The following SDK1 variants were observed in gnomAD, a reference collection of about 807,000 sequenced individuals.
The protein encoded by SDK1 is protein sidekick-1.
Under a neutral mutation model 245.5 loss-of-function variants are expected in SDK1, and 157 were observed. The observed-to-expected ratio is 0.64, with a 90% confidence interval of 0.56 to 0.73. SDK1 has a LOEUF of 0.73. SDK1 is among the 30% of genes least tolerant of loss of function. The probability of loss-of-function intolerance (pLI) is 0.00; values close to 1 mark genes in which losing one functional copy is unlikely to be tolerated. For synonymous variants in SDK1, 1,647 were observed against 1,278.5 expected, an observed-to-expected ratio of 1.29 and a Z score of -6.15; for missense variants, 3,583 against 3,002.3, an observed-to-expected ratio of 1.19 and a Z score of -4.52.
intron 28 of SDK1, among the ~76,000 whole-genome samples, chr7:4,133,525 T>C (rs1665612283): frequency 1.3e-5 from 2 of 152,214 alleles, no homozygotes; most frequent in Non-Finnish European, 2.9e-5. Flanking sequence ...GGGGTCTCTG[T>C]GGGTGGAAGT....
At chr7:3,865,737 A>T (rs374626076) in intron 5 of SDK1, among the ~76,000 whole-genome samples, 1 of 149,428 alleles carries the variant, frequency 6.7e-6, no homozygotes, top group African/African-American at 2.5e-5. Context: ...CTGGTCTGAA[A>T]CTCCTGGCCT....
At chr7:3,358,761 G>C (rs567127439) in intron 1 of SDK1, among the ~76,000 whole-genome samples, 1 of 152,160 alleles carries the variant, frequency 6.6e-6, no homozygotes, top group Non-Finnish European at 1.5e-5. Flanking sequence ...ACGTACTTGC[G>C]CTACAGTAAA....
intron 1 of SDK1, among the ~76,000 whole-genome samples, chr7:3,321,764 T>TCCCTTCCTTCCTTC (rs1562412645): frequency 2.7e-5 from 2 of 75,364 alleles, no homozygotes; most frequent in African/African-American, 1.1e-4. Context: ...CCTCCCTCCC[T>TCCCTTCCTTCCTTC]TCCTTCCTTC....
chr7:4,166,920 A>G (rs902112385), intron 32 of SDK1, among the ~76,000 whole-genome samples: 2 of 152,188 alleles, frequency 1.3e-5, no homozygotes, highest in African/African-American at 4.8e-5. Flanking sequence ...GTCACCGTTC[A>G]GGCAGCTGGA....
intron 44 of SDK1, among the ~76,000 whole-genome samples, chr7:4,251,476 C>T (rs769448020): frequency 3.3e-5 from 5 of 152,186 alleles, no homozygotes; most frequent in South Asian, 2.1e-4. Context: ...TTGTCTACCA[C>T]GGCTTTACCA....
intron 1 of SDK1, among the ~76,000 whole-genome samples, chr7:3,583,751 C>A (rs888623166): frequency 6.6e-6 from 1 of 152,210 alleles, no homozygotes; most frequent in Non-Finnish European, 1.5e-5. Flanking sequence ...AGGAAGACTG[C>A]GTCCACCTGC....
chr7:3,566,140 A>G (rs1779908942), intron 1 of SDK1, among the ~76,000 whole-genome samples: 1 of 152,178 alleles, frequency 6.6e-6, no homozygotes, highest in African/African-American at 2.4e-5. Flanking sequence ...GGTAGTCGTA[A>G]AAAGGTGTCA....
At chr7:3,889,674 ATT>A (rs879583001) in intron 5 of SDK1, among the ~76,000 whole-genome samples, 1 of 151,912 alleles carries the variant, frequency 6.6e-6, no homozygotes, top group Non-Finnish European at 1.5e-5. Flanking sequence ...CGCCTGGCTA[ATT>A]TTTTTGTATT....
At chr7:4,240,787 G>C (rs1354807968) in intron 42 of SDK1, among the ~76,000 whole-genome samples, 1 of 152,170 alleles carries the variant, frequency 6.6e-6, no homozygotes, top group Non-Finnish European at 1.5e-5. Flanking sequence ...GTCGCCTCTG[G>C]TCTCAGGGCG....
At chr7:4,044,293 G>C (rs1163399118) in intron 17 of SDK1, among the ~76,000 whole-genome samples, 2 of 152,226 alleles carry the variant, frequency 1.3e-5, no homozygotes, top group African/African-American at 4.8e-5. Context: ...TCCTACCGCT[G>C]CTCAGGGCTC....
chr7:4,149,144 A>G, intron 29 of SDK1, 118 bp from the exon 30 acceptor site: 2 of 681,358 alleles, frequency 2.9e-6, no homozygotes, highest in East Asian at 3.4e-5. Context: ...TGTCCAAGGC[A>G]TGCAGGCAGC....
chr7:3,804,845 C>A (rs1484145315), intron 4 of SDK1, among the ~76,000 whole-genome samples: 1 of 152,038 alleles, frequency 6.6e-6, no homozygotes, highest in Non-Finnish European at 1.5e-5. Context: ...TTGGCTTTCA[C>A]GTGTTCATTG....
intron 1 of SDK1, among the ~76,000 whole-genome samples, chr7:3,312,859 G>A (rs4326295): frequency 7.9e-5 from 12 of 152,028 alleles, no homozygotes; most frequent in African/African-American, 1.5e-4. Flanking sequence ...ATCAATACAA[G>A]TTCTGCCTGA....
intron 1 of SDK1, among the ~76,000 whole-genome samples, chr7:3,509,521 C>T (rs921624940): frequency 2.0e-5 from 3 of 152,186 alleles, no homozygotes; most frequent in Admixed American, 1.3e-4. Flanking sequence ...TTAAATACAA[C>T]CACAATGTTT....
intron 35 of SDK1, among the ~76,000 whole-genome samples, chr7:4,194,290 GCAC>G (rs1214336890): frequency 1.0e-5 from 1 of 100,214 alleles, no homozygotes; most frequent in East Asian, 2.6e-4. Context: ...ATATATGTAT[GCAC>G]GTATGTGTAT....
At chr7:3,685,593 G>A (rs1369391772) in intron 4 of SDK1, among the ~76,000 whole-genome samples, 2 of 152,164 alleles carry the variant, frequency 1.3e-5, no homozygotes, top group Non-Finnish European at 2.9e-5. Context: ...TGTGATGGTT[G>A]ATGCAAAAAT....
At chr7:3,477,980 C>G (rs1366582520) in intron 1 of SDK1, among the ~76,000 whole-genome samples, 1 of 152,080 alleles carries the variant, frequency 6.6e-6, no homozygotes, top group African/African-American at 2.4e-5. Flanking sequence ...TTTTCCTAAA[C>G]AGTTTCCCAT....
At chr7:3,453,309 C>A (rs1455391291) in intron 1 of SDK1, among the ~76,000 whole-genome samples, 2 of 152,182 alleles carry the variant, frequency 1.3e-5, no homozygotes, top group Non-Finnish European at 2.9e-5. Context: ...GAGCCCTGGT[C>A]CCCTGAATAA....
intron 4 of SDK1, among the ~76,000 whole-genome samples, chr7:3,662,427 C>G (rs1783394886): frequency 6.6e-6 from 1 of 152,088 alleles, no homozygotes; most frequent in Non-Finnish European, 1.5e-5. Flanking sequence ...ATACATTAGT[C>G]CTGAAAGTGG....
Sources: allele counts gnomAD v4.1 joint callset (sites outside exome capture counted in the v4.1 genomes callset), GRCh38; gene constraint gnomAD v4.1.1; transcripts MANE v1.5; gene names NCBI Gene and HGNC (gene_info 2026-07-23, HGNC 2026-07-21).